LRRC4C: variants seen among roughly 807,000 people sequenced by gnomAD.
The protein encoded by LRRC4C is leucine rich repeat containing 4C.
LRRC4C carries 5 observed loss-of-function variants against 33.6 expected under a neutral mutation model. That is an observed-to-expected ratio of 0.15 (90% CI 0.08 to 0.31). The LOEUF is 0.31. LRRC4C is among the 10% of genes least tolerant of loss of function. The pLI, the probability that LRRC4C is intolerant of heterozygous loss-of-function variation, is 1.00. For missense variants in LRRC4C, 560 were observed against 796.7 expected (o/e 0.70, Z 3.58); for synonymous variants, 329 against 302.0 (o/e 1.09, Z -0.93).
At chr11:41,053,086 CAT>C (rs1858362780) in intron 1 of LRRC4C, among the ~76,000 whole-genome samples, 2 of 152,184 alleles carry the variant, frequency 1.3e-5, no homozygotes, top group Admixed American at 1.3e-4. Flanking sequence ...TTCATGGACA[CAT>C]GTGACAAAAC....
chr11:40,782,355 TG>T, intron 2 of LRRC4C, among the ~76,000 whole-genome samples: 1 of 152,274 alleles, frequency 6.6e-6, no homozygotes, highest in South Asian at 2.1e-4. Flanking sequence ...GGCTCTGGTA[TG>T]GCTGCTCTCA....
At chr11:40,948,766 A>G (rs1232633885) in intron 1 of LRRC4C, among the ~76,000 whole-genome samples, 3 of 148,908 alleles carry the variant, frequency 2.0e-5, no homozygotes, top group Admixed American at 6.7e-5. Context: ...CCAGTCTATC[A>G]TTGTTGGACA....
At chr11:40,487,176 G>A (rs1162730938) in intron 3 of LRRC4C, among the ~76,000 whole-genome samples, 2 of 152,008 alleles carry the variant, frequency 1.3e-5, no homozygotes, top group African/African-American at 4.8e-5. Flanking sequence ...TTGATTCCTT[G>A]TGTGTGAATT....
chr11:40,553,877 G>A (rs1264953159), intron 3 of LRRC4C, among the ~76,000 whole-genome samples: 4 of 152,018 alleles, frequency 2.6e-5, no homozygotes, highest in African/African-American at 7.2e-5. Context: ...ATAGTTTCTC[G>A]CATTCTGTAG....
intron 2 of LRRC4C, among the ~76,000 whole-genome samples, chr11:40,886,436 C>CAT (rs61036208): frequency 1.3e-5 from 2 of 151,168 alleles, no homozygotes; most frequent in African/African-American, 4.9e-5. Context: ...CACACACACA[C>CAT]GCACACACTC....
intron 2 of LRRC4C, among the ~76,000 whole-genome samples, chr11:40,656,303 CCT>C (rs1482152927): frequency 6.6e-6 from 1 of 151,026 alleles, no homozygotes; most frequent in Non-Finnish European, 1.5e-5. Context: ...TCCTTTTTTC[CCT>C]AATTTCCTCC....
At chr11:40,722,724 C>T (rs1455428203) in intron 2 of LRRC4C, among the ~76,000 whole-genome samples, 2 of 152,176 alleles carry the variant, frequency 1.3e-5, no homozygotes, top group African/African-American at 2.4e-5. Context: ...TCCAAAGGAT[C>T]ACACTAGCTC....
At chr11:40,892,204 G>A (rs1311581203) in intron 2 of LRRC4C, among the ~76,000 whole-genome samples, 4 of 151,044 alleles carry the variant, frequency 2.6e-5, no homozygotes, top group African/African-American at 9.7e-5. Flanking sequence ...AGTATCATAT[G>A]ATCCAGCAAT....
intron 2 of LRRC4C, among the ~76,000 whole-genome samples, chr11:40,795,611 G>A (rs952856703): frequency 6.6e-6 from 1 of 151,978 alleles, no homozygotes; most frequent in African/African-American, 2.4e-5. Flanking sequence ...GCCCCAGAAG[G>A]GTTGCTTTGT....
intron 3 of LRRC4C, among the ~76,000 whole-genome samples, chr11:40,646,790 T>C (rs749959019): frequency 2.6e-5 from 4 of 152,148 alleles, no homozygotes; most frequent in Non-Finnish European, 5.9e-5. Context: ...GTATTTTCAG[T>C]AGAGATGAGG....
intron 1 of LRRC4C, among the ~76,000 whole-genome samples, chr11:41,434,421 A>T (rs367810335): frequency 1.5e-4 from 23 of 152,186 alleles, no homozygotes; most frequent in African/African-American, 5.5e-4. Context: ...GACTTTGATG[A>T]TGTATGGTCA....
At chr11:40,471,285 A>T (rs1156246160) in intron 3 of LRRC4C, among the ~76,000 whole-genome samples, 1 of 152,182 alleles carries the variant, frequency 6.6e-6, no homozygotes, top group African/African-American at 2.4e-5. Flanking sequence ...CAGCCAAACT[A>T]AACTTCATAA....
At chr11:40,121,426 T>C (rs1026724268) in intron 6 of LRRC4C, among the ~76,000 whole-genome samples, 1 of 152,210 alleles carries the variant, frequency 6.6e-6, no homozygotes, top group African/African-American at 2.4e-5. Flanking sequence ...ACAAAAGGTT[T>C]TTTACTTTAA....
At chr11:40,507,688 C>T (rs1955099499) in intron 3 of LRRC4C, among the ~76,000 whole-genome samples, 1 of 150,638 alleles carries the variant, frequency 6.6e-6, no homozygotes, top group South Asian at 2.1e-4. Context: ...TTAATATTGG[C>T]AACTATACTG....
chr11:41,034,607 G>GTGTATATA (rs1491566841), intron 1 of LRRC4C, among the ~76,000 whole-genome samples: 1 of 97,040 alleles, frequency 1.0e-5, no homozygotes, highest in Non-Finnish European at 2.2e-5. Flanking sequence ...ATATGGTGAC[G>GTGTATATA]TATATATATA....
At position 40,743,513 on chromosome 11, in the gene LRRC4C, C is replaced by T. The variant is rs1470502348; in HGVS notation, c.-406-95235G>A. Among the ~76,000 whole-genome samples the T allele has an allele frequency of 2.0e-5, 3 of 151,978 alleles. No homozygotes were observed. The East Asian group carries it at 5.8e-4, about 29-fold the overall frequency. ...CCTTGCCTATTCCAGCTTATAGAGG[C>T]CACCTATATTATAGGGTTGTAAGAT... On this transcript the variant is annotated intron_variant, in intron 2 of 6. Transcript: ENST00000528697.
chr11:40,671,501 A>G (rs1259312402), intron 2 of LRRC4C, among the ~76,000 whole-genome samples: 1 of 152,042 alleles, frequency 6.6e-6, no homozygotes, highest in Non-Finnish European at 1.5e-5. Context: ...TATCTTATGC[A>G]TTTTGTTGCA....
At chr11:40,847,353 TG>T (rs1411755327) in intron 2 of LRRC4C, among the ~76,000 whole-genome samples, 3 of 152,226 alleles carry the variant, frequency 2.0e-5, no homozygotes, top group African/African-American at 7.2e-5. Flanking sequence ...TTTTTTAGCA[TG>T]AAGGAGTGTT....
intron 2 of LRRC4C, among the ~76,000 whole-genome samples, chr11:40,759,968 A>AC (rs1240925536): frequency 6.6e-6 from 1 of 151,832 alleles, no homozygotes; most frequent in African/African-American, 2.4e-5. Flanking sequence ...ACAACAAAAA[A>AC]AAAAAAAAAG....
Sources: gnomAD v4.1 joint callset for allele counts (sites outside exome capture counted in the v4.1 genomes callset) on GRCh38, gnomAD v4.1.1 for gene constraint, MANE v1.5 for transcripts, NCBI Gene and HGNC (gene_info 2026-07-23, HGNC 2026-07-21) for gene names.